Variants in SH3GL1 observed in about 807,000 individuals in gnomAD.
The protein encoded by SH3GL1 is endophilin-A2.
SH3GL1 carries 21 observed loss-of-function variants against 48.8 expected under a neutral mutation model. The observed-to-expected ratio is 0.43, with a 90% CI of 0.30 to 0.62. The LOEUF (loss-of-function observed/expected upper bound fraction) is 0.62, where lower values mean the gene tolerates loss of function less well. SH3GL1 is among the 20% of genes least tolerant of loss of function. SH3GL1 has a pLI of 0.11. For synonymous variants in SH3GL1, 282 were observed against 217.5 expected (o/e 1.30, Z -2.61); for missense variants, 454 against 503.0 (o/e 0.90, Z 0.93).
In SH3GL1 at chr19:4,364,916, A is replaced by ATATATATATT. The variant is rs1450528018; in HGVS notation, c.331+565_331+566insAATATATATA. On this transcript the variant is annotated intron_variant, in intron 4 of 9. Transcript: ENST00000269886. ...TGTGTGTGTATATATATATATATAT[A>ATATATATATT]TTTTTTTTTTTTTAGTAGAAGCGGG... Among the ~76,000 whole-genome samples, 14 of 116,220 alleles carry ATATATATATT rather than the reference A, an allele frequency of 1.2e-4. No homozygotes were observed. The South Asian group carries it at 3.7e-3, about 30-fold the overall frequency. The allele number at this position is 116,220 out of a possible 152,430, so 76.2% of individuals were successfully genotyped here.
Position 4,366,917 on chromosome 19 carries a change from C to G in SH3GL1, c.114+9G>C, listed in dbSNP as rs200647173. ...CACCACCACACAGAGCACGCAGTTT[C>G]TTCCTCACCTTCTCCATCTCTTTGA... is the stretch of plus-strand genomic sequence containing the variant. On this transcript the variant is annotated intron_variant, in intron 2 of 9. Coordinates refer to ENST00000269886, the MANE Select transcript of SH3GL1 (RefSeq NM_003025.4). 8.3e-4 allele frequency: 1,339 copies of G among 1,613,558 alleles called. 1 individual carries two copies. Among genetic ancestry groups the G allele is most frequent in the Admixed American group, 1.0e-3 (60 of 60,022 alleles).
intron 1 of SH3GL1, among the ~76,000 whole-genome samples, chr19:4,399,987 G>C (rs1599628093): frequency 6.6e-6 from 1 of 152,272 alleles, no homozygotes; most frequent in Admixed American, 6.5e-5. Context: ...AGAGTCCTGT[G>C]TCGACAGCCT....
chr19:4,372,527 G>A (rs947814560), intron 1 of SH3GL1, among the ~76,000 whole-genome samples: 20 of 152,194 alleles, frequency 1.3e-4, no homozygotes, highest in African/African-American at 9.6e-5. Context: ...AGGGAGGGAC[G>A]TAAGGATCCC....
chr19:4,364,327 A>G (rs1325706829), intron 4 of SH3GL1, 106 bp from the exon 5 acceptor site: 3 of 1,425,936 alleles, frequency 2.1e-6, no homozygotes, highest in Non-Finnish European at 2.0e-6. Flanking sequence ...GCTGGAACGC[A>G]GTGGCGCTGT....
chr19:4,366,893 A>G (rs917636639), intron 2 of SH3GL1, 33 bp downstream of exon 2: 25 of 1,603,748 alleles, frequency 1.6e-5, no homozygotes, highest in Non-Finnish European at 2.0e-5. Context: ...CAGCAGTGCC[A>G]CCACCACACA....
At chr19:4,378,450 C>T (rs1973056476) in intron 1 of SH3GL1, among the ~76,000 whole-genome samples, 1 of 152,172 alleles carries the variant, frequency 6.6e-6, no homozygotes, top group African/African-American at 2.4e-5. Context: ...TGCGGTGGCT[C>T]ACACCTGTAA....
In SH3GL1 at chr19:4,361,185, T is replaced by C; in HGVS notation, c.*415A>G. The C allele has an allele frequency of 3.5e-6, 1 of 289,502 alleles. No homozygotes were observed. The highest frequency in any genetic ancestry group is 6.5e-6 in the Non-Finnish European group (1 of 152,974). 17.9% of individuals were successfully genotyped at this position (289,502 alleles called of 1,614,324 possible). ...ATGGGGACCCTCGATCCCATCCTGT[T>C]AAGGCTGCGGGACTCGAGGGTAGGC... On this transcript the variant is annotated 3_prime_UTR_variant, in exon 10 of 10. Coordinates refer to ENST00000269886, the MANE Select transcript of SH3GL1 (RefSeq NM_003025.4).
At chr19:4,399,319 C>CAAAAGA (rs1973478251) in intron 1 of SH3GL1, among the ~76,000 whole-genome samples, 2 of 49,626 alleles carry the variant, frequency 4.0e-5, no homozygotes, top group South Asian at 2.2e-3. Context: ...GACTCCCTCT[C>CAAAAGA]AAAAAAAAAA....
intron 1 of SH3GL1, among the ~76,000 whole-genome samples, chr19:4,378,540 C>T (rs1973057856): frequency 6.6e-6 from 1 of 152,020 alleles, no homozygotes; most frequent in Non-Finnish European, 1.5e-5. Flanking sequence ...CAGGGAGAAA[C>T]CCCATCTCTA....
chr19:4,364,916 A>ATTTTTTTTT (rs35880496), intron 4 of SH3GL1, among the ~76,000 whole-genome samples: 2 of 116,222 alleles, frequency 1.7e-5, no homozygotes, highest in African/African-American at 7.6e-5. Context: ...ATATATATAT[A>ATTTTTTTTT]TTTTTTTTTT....
intron 1 of SH3GL1, chr19:4,390,627 G>C (rs1256107679): frequency 3.9e-5 from 6 of 152,336 alleles, no homozygotes; most frequent in African/African-American, 1.4e-4. Flanking sequence ...CTTCGAAAAA[G>C]AACCAGAAGA....
intron 1 of SH3GL1, among the ~76,000 whole-genome samples, chr19:4,388,784 AG>A (rs1370016190): frequency 6.6e-6 from 1 of 152,178 alleles, no homozygotes; most frequent in Non-Finnish European, 1.5e-5. Context: ...TTGGCTTCTT[AG>A]GGACCCTGCT....
intron 1 of SH3GL1, among the ~76,000 whole-genome samples, chr19:4,371,756 C>T (rs1170477760): frequency 2.6e-5 from 4 of 152,100 alleles, no homozygotes; most frequent in African/African-American, 7.2e-5. Context: ...GGCTGGGGAG[C>T]GGGTCTCTGG....
intron 1 of SH3GL1, among the ~76,000 whole-genome samples, chr19:4,387,638 T>A (rs1371891930): frequency 1.3e-5 from 2 of 152,008 alleles, no homozygotes; most frequent in Non-Finnish European, 2.9e-5. Flanking sequence ...AGGGGTGGGG[T>A]ATCCAGCAAA....
Position 4,395,210 on chromosome 19 carries a change from C to T in SH3GL1, c.45+5114G>A, listed in dbSNP as rs548289184. Among the ~76,000 whole-genome samples, 15 of 152,270 alleles carry T rather than the reference C, an allele frequency of 9.9e-5. No individual in the cohort carries two copies. The South Asian group carries it at 3.1e-3, about 32-fold the overall frequency. On this transcript the variant is annotated intron_variant, in intron 1 of 9. Transcript: ENST00000269886. Reference sequence around the variant, plus strand: ...TGGCTCTGTCTCCCAGGCTGGAGTGCAGTGCTACAATCAGGGCTCCCTGCA... The same window carrying T: ...TGGCTCTGTCTCCCAGGCTGGAGTGTAGTGCTACAATCAGGGCTCCCTGCA...
intron 1 of SH3GL1, among the ~76,000 whole-genome samples, chr19:4,368,389 G>A (rs963102297): frequency 3.9e-5 from 6 of 152,186 alleles, no homozygotes. Flanking sequence ...CTCTGCCCAC[G>A]CCAGGCACCT....
chr19:4,362,559 C>T, intron 8 of SH3GL1, 53 bp downstream of exon 8: 1 of 1,609,788 alleles, frequency 6.2e-7, no homozygotes, highest in Non-Finnish European at 8.5e-7. Context: ...CAGCCCTTGG[C>T]CACTCCCACC....
chr19:4,396,756 G>A (rs1023275132), intron 1 of SH3GL1, among the ~76,000 whole-genome samples: 1 of 152,098 alleles, frequency 6.6e-6, no homozygotes, highest in East Asian at 1.9e-4. Flanking sequence ...GCTGCCCTGG[G>A]CACCGGAGGA....
chr19:4,384,963 G>T (rs907986164), intron 1 of SH3GL1, among the ~76,000 whole-genome samples: 1 of 152,134 alleles, frequency 6.6e-6, no homozygotes, highest in Non-Finnish European at 1.5e-5. Context: ...AATTATCCGG[G>T]TGTGGTGGTT....
Sources: allele counts gnomAD v4.1 joint callset (sites outside exome capture counted in the v4.1 genomes callset), GRCh38; gene constraint gnomAD v4.1.1; transcripts MANE v1.5; gene names NCBI Gene and HGNC (gene_info 2026-07-23, HGNC 2026-07-21).